USP12: variants seen among roughly 807,000 people sequenced by gnomAD.
The protein encoded by USP12 is ubiquitin carboxyl-terminal hydrolase 12.
A neutral mutation model predicts 45.5 loss-of-function variants in USP12; 19 were observed. That is an observed-to-expected ratio of 0.42 (90% confidence interval 0.29 to 0.61). USP12 has a LOEUF of 0.61. Ranked by LOEUF, USP12 falls within the 20% of genes least tolerant of loss-of-function variation. The pLI is 0.22. For synonymous variants in USP12, 149 were observed against 148.8 expected, an observed-to-expected ratio of 1.00 and a Z score of -0.01; for missense variants, 242 against 447.7, an observed-to-expected ratio of 0.54 and a Z score of 4.15.
chr13:27,099,879 G>A (rs1347181370), intron 3 of USP12, among the ~76,000 whole-genome samples: 1 of 152,146 alleles, frequency 6.6e-6, no homozygotes, highest in African/African-American at 2.4e-5. Flanking sequence ...AACAATAAAA[G>A]TCATGAGTTC....
In USP12 at chr13:27,083,481, C is replaced by T. The variant is rs550214236; in HGVS notation, c.734+6402G>A. Reference sequence around the variant, plus strand: ...CCAGCAGCCAGGGACAGGAAAACAACAACTGAAACAGCCATCAATCCTTTC... The same window carrying T: ...CCAGCAGCCAGGGACAGGAAAACAATAACTGAAACAGCCATCAATCCTTTC... On this transcript the variant is annotated intron_variant, in intron 6 of 8. Transcript: ENST00000282344. Among the ~76,000 whole-genome samples the T allele has an allele frequency of 5.9e-4, 90 of 152,278 alleles. No individual in the cohort carries two copies. In the Middle Eastern group the frequency reaches 0.014, roughly 23 times the overall value.
intron 1 of USP12, among the ~76,000 whole-genome samples, chr13:27,142,499 G>A (rs1234171107): frequency 6.6e-6 from 1 of 152,166 alleles, no homozygotes; most frequent in Non-Finnish European, 1.5e-5. Context: ...GAATGTCCCT[G>A]TTACTGGGAA....
chr13:27,116,798 C>T (rs1875765949), intron 1 of USP12, among the ~76,000 whole-genome samples: 1 of 152,114 alleles, frequency 6.6e-6, no homozygotes, highest in Non-Finnish European at 1.5e-5. Flanking sequence ...ACACTTATTC[C>T]TGTGTTACGA....
chr13:27,085,787 A>T (rs1052663176), intron 6 of USP12, among the ~76,000 whole-genome samples: 1 of 152,114 alleles, frequency 6.6e-6, no homozygotes, highest in Non-Finnish European at 1.5e-5. Flanking sequence ...TCATCAAATC[A>T]CTGTTTATAA....
intron 3 of USP12, among the ~76,000 whole-genome samples, chr13:27,099,568 T>TA (rs894306704): frequency 6.6e-6 from 1 of 152,216 alleles, no homozygotes; most frequent in Non-Finnish European, 1.5e-5. Context: ...CTTAACCCAC[T>TA]AAGTCTCCTT....
chr13:27,171,544 C>T (rs369808252), intron 1 of USP12, 48 bp downstream of exon 1: 2 of 1,161,916 alleles, frequency 1.7e-6, no homozygotes, highest in South Asian at 1.7e-5. Flanking sequence ...GCCGCCCGCC[C>T]GCCCGAGAGG....
chr13:27,072,534 A>C (rs1873293129), intron 7 of USP12, among the ~76,000 whole-genome samples: 2 of 152,220 alleles, frequency 1.3e-5, no homozygotes, highest in South Asian at 2.1e-4. Context: ...TAAGGTATGC[A>C]AATAACTATT....
chr13:27,104,748 G>T (rs1463423331), intron 3 of USP12, among the ~76,000 whole-genome samples: 2 of 152,136 alleles, frequency 1.3e-5, no homozygotes, highest in Non-Finnish European at 2.9e-5. Flanking sequence ...TCAATTCACT[G>T]TGTACAGTGT....
chr13:27,171,782 T>G lies in USP12; in HGVS notation c.-143A>C, dbSNP rs950903567. On this transcript the variant is annotated 5_prime_UTR_variant, in exon 1 of 9. Coordinates refer to ENST00000282344, the MANE Select transcript of USP12 (RefSeq NM_182488.4). ...ACCACCGAGCCCGCTGGGCCGCCGC[T>G]GCCGTCGTCGCCGCCGGCGCTCAGG... 1.6e-3 allele frequency: 498 copies of G among 309,062 alleles called. 2 individuals are homozygous for G. Among genetic ancestry groups the G allele is most frequent in the Admixed American group, 4.6e-3 (69 of 14,968 alleles). 19.1% of individuals were successfully genotyped at this position (309,062 alleles called of 1,614,324 possible). A position where few individuals can be genotyped will look rare whatever the true frequency, so the allele number is the denominator to read the frequency against.
chr13:27,120,701 C>T (rs566667204), intron 1 of USP12, among the ~76,000 whole-genome samples: 26 of 151,780 alleles, frequency 1.7e-4, no homozygotes, highest in Non-Finnish European at 3.2e-4. Flanking sequence ...ACATGACATA[C>T]ACAAATGGAA....
At chr13:27,133,496 C>T (rs1030055336) in intron 1 of USP12, among the ~76,000 whole-genome samples, 4 of 152,168 alleles carry the variant, frequency 2.6e-5, no homozygotes, top group Middle Eastern at 3.4e-3. Context: ...GGTGTGGTGG[C>T]GGGCACCTGC....
chr13:27,116,581 C>A lies in USP12; in HGVS notation c.64G>T (p.Ala22Ser). Reference protein sequence around the residue: ...SICTMGANASALEKEIGPEQF... With the variant: ...SICTMGANASSLEKEIGPEQF... ...TCTGGACCAATCTCTTTCTCTAATGCCGAAGCATTGGCGCCCTATAAAATG... is the reference window on the plus strand; with the variant it reads ...TCTGGACCAATCTCTTTCTCTAATGACGAAGCATTGGCGCCCTATAAAATG... Residue 22 changes from alanine to serine, a missense_variant, in exon 2 of 9, where the codon GCA becomes TCA. Physicochemically the swap from Ala to Ser is moderately conservative, Grantham distance 99 (BLOSUM62 1). This residue lies in a region of USP12 where 77 missense variants were observed against 153.7 expected (regional missense o/e 0.50). Coordinates refer to ENST00000282344, the MANE Select transcript of USP12 (RefSeq NM_182488.4). 1 of 1,612,222 alleles carries A rather than the reference C, an allele frequency of 6.2e-7. No homozygotes were observed. The highest frequency in any genetic ancestry group is 1.1e-5 in the South Asian group (1 of 90,932).
intron 6 of USP12, among the ~76,000 whole-genome samples, chr13:27,083,226 C>A (rs1020847088): frequency 1.3e-5 from 2 of 152,070 alleles, no homozygotes; most frequent in African/African-American, 4.8e-5. Context: ...ATCACCGTAA[C>A]AATATAATAA....
chr13:27,091,037 C>A (rs992064694), intron 4 of USP12, among the ~76,000 whole-genome samples: 1 of 152,070 alleles, frequency 6.6e-6, no homozygotes, highest in Non-Finnish European at 1.5e-5. Flanking sequence ...AACCATAGGA[C>A]CGAAACCCCT....
At chr13:27,136,713 C>T (rs951127286) in intron 1 of USP12, among the ~76,000 whole-genome samples, 2 of 152,064 alleles carry the variant, frequency 1.3e-5, no homozygotes, top group Admixed American at 6.5e-5. Flanking sequence ...CACCACTAGG[C>T]TAAAACTTGA....
At chr13:27,146,572 C>A (rs1877318502) in intron 1 of USP12, among the ~76,000 whole-genome samples, 2 of 152,186 alleles carry the variant, frequency 1.3e-5, no homozygotes, top group African/African-American at 2.4e-5. Context: ...GTAAGTTCCA[C>A]CACTGCAGAG....
chr13:27,153,152 C>CGAA (rs1877660165), intron 1 of USP12, among the ~76,000 whole-genome samples: 1 of 151,246 alleles, frequency 6.6e-6, no homozygotes, highest in African/African-American at 2.4e-5. Context: ...GCCAACATGG[C>CGAA]GAAACCCTGT....
chr13:27,100,282 T>C lies in USP12; in HGVS notation c.344-4452A>G, dbSNP rs541595755. ...AATCTCCTATCCTCTACTACTCTCA[T>C]TTGCTTATTGCACCTTATTTCCTTT... On this transcript the variant is annotated intron_variant, in intron 3 of 8. Coordinates refer to ENST00000282344, the MANE Select transcript of USP12 (RefSeq NM_182488.4). 5.3e-5 allele frequency among the ~76,000 whole-genome samples: 8 copies of C among 152,318 alleles called. No homozygotes were observed. The South Asian group carries it at 1.7e-3, about 32-fold the overall frequency.
intron 2 of USP12, among the ~76,000 whole-genome samples, chr13:27,106,401 G>A (rs1032336538): frequency 4.6e-5 from 7 of 151,802 alleles, no homozygotes; most frequent in Non-Finnish European, 8.8e-5. Context: ...GGGGCGAGAC[G>A]GGGGAGGGGG....
Sources: gnomAD v4.1 joint callset for allele counts (sites outside exome capture counted in the v4.1 genomes callset) on GRCh38, gnomAD v4.1.1 for gene constraint, gnomAD v4.1.1 regional missense constraint, MANE v1.5 for transcripts, NCBI Gene and HGNC (gene_info 2026-07-23, HGNC 2026-07-21) for gene names.